NRF1: variants seen among roughly 807,000 people sequenced by gnomAD.
NRF1 encodes the protein alpha palindromic-binding protein.
A neutral mutation model predicts 58.5 loss-of-function variants in NRF1; 5 were observed. The observed-to-expected ratio is 0.09, with a 90% confidence interval of 0.04 to 0.18. The LOEUF (loss-of-function observed/expected upper bound fraction) is 0.18, where lower values mean the gene tolerates loss of function less well. Ranked by LOEUF, NRF1 falls within the 10% of genes least tolerant of loss-of-function variation. NRF1 has a pLI of 1.00. For missense variants in NRF1, 288 were observed against 657.7 expected, an observed-to-expected ratio of 0.44 and a Z score of 6.15; for synonymous variants, 224 against 246.7, an observed-to-expected ratio of 0.91 and a Z score of 0.86.
At chr7:129,642,758 T>C (rs57578473) in intron 1 of NRF1, among the ~76,000 whole-genome samples, 33,098 of 131,656 alleles carry the variant, frequency 0.25, 6,362 homozygotes, top group African/African-American at 0.5. Context: ...CTTTAAAAAA[T>C]TTTTTTTTTT....
intron 1 of NRF1, among the ~76,000 whole-genome samples, chr7:129,636,077 G>C (rs903303547): frequency 5.9e-5 from 9 of 152,108 alleles, no homozygotes; most frequent in Admixed American, 1.3e-4. Context: ...CTAAGTACAG[G>C]AGTGGTCTTT....
At chr7:129,694,345 A>G (rs1181166661) in intron 5 of NRF1, among the ~76,000 whole-genome samples, 1 of 152,088 alleles carries the variant, frequency 6.6e-6, no homozygotes, top group Non-Finnish European at 1.5e-5. Context: ...AACTTGAGCT[A>G]AATAGCTCCT....
chr7:129,643,672 T>A (rs1801343735), intron 1 of NRF1, among the ~76,000 whole-genome samples: 1 of 152,240 alleles, frequency 6.6e-6, no homozygotes, highest in African/African-American at 2.4e-5. Flanking sequence ...TCTACATATT[T>A]GAGAATGCAC....
intron 1 of NRF1, among the ~76,000 whole-genome samples, chr7:129,650,740 TA>T (rs1177533081): frequency 6.6e-6 from 1 of 151,862 alleles, no homozygotes; most frequent in African/African-American, 2.4e-5. Context: ...TTTTTTCACT[TA>T]AAAAAAATGA....
Position 129,679,308 on chromosome 7 carries a change from C to T in NRF1, c.465+1550C>T, listed in dbSNP as rs1802252070. On this transcript the variant is annotated intron_variant, in intron 4 of 10. Transcript: ENST00000393232. Reference sequence around the variant, plus strand: ...CACTCACAAATGTTAAAAGCAGCTGCAAGTAATAGAATCAAGAAAGTGAAA... The same window carrying T: ...CACTCACAAATGTTAAAAGCAGCTGTAAGTAATAGAATCAAGAAAGTGAAA... 2.0e-5 allele frequency among the ~76,000 whole-genome samples: 3 copies of T among 152,070 alleles called. No homozygotes were observed. The South Asian group carries it at 6.2e-4, about 32-fold the overall frequency.
At chr7:129,745,842 T>C (rs1803964840) in intron 10 of NRF1, among the ~76,000 whole-genome samples, 1 of 152,218 alleles carries the variant, frequency 6.6e-6, no homozygotes, top group African/African-American at 2.4e-5. Context: ...TGAGATATAT[T>C]TACTAATAAA....
chr7:129,674,314 A>G (rs1308457759), intron 3 of NRF1, among the ~76,000 whole-genome samples: 1 of 152,210 alleles, frequency 6.6e-6, no homozygotes, highest in Non-Finnish European at 1.5e-5. Context: ...AAGTATCACA[A>G]TAAGTCACAG....
chr7:129,663,340 T>G (rs972238188), intron 2 of NRF1, among the ~76,000 whole-genome samples: 93 of 130,378 alleles, frequency 7.1e-4, no homozygotes, highest in African/African-American at 2.7e-3. Flanking sequence ...CCAGACGGGG[T>G]GGCCGGGCAG....
At chr7:129,735,634 C>T (rs867649374) in intron 10 of NRF1, among the ~76,000 whole-genome samples, 1 of 152,198 alleles carries the variant, frequency 6.6e-6, no homozygotes, top group Non-Finnish European at 1.5e-5. Flanking sequence ...CTCAGGGTAG[C>T]GTGTCCCACG....
chr7:129,634,753 G>A (rs1801131614), intron 1 of NRF1, among the ~76,000 whole-genome samples: 1 of 152,198 alleles, frequency 6.6e-6, no homozygotes, highest in Non-Finnish European at 1.5e-5. Context: ...GTTTAGTTTT[G>A]TAAGAAATTG....
At chr7:129,693,358 T>C (rs1479737140) in intron 5 of NRF1, among the ~76,000 whole-genome samples, 3 of 152,152 alleles carry the variant, frequency 2.0e-5, no homozygotes, top group Admixed American at 6.5e-5. Flanking sequence ...CTTTTGATTG[T>C]TGGATTCATA....
intron 4 of NRF1, among the ~76,000 whole-genome samples, chr7:129,684,119 A>G (rs1802391006): frequency 6.6e-6 from 1 of 152,184 alleles, no homozygotes; most frequent in South Asian, 2.1e-4. Context: ...GAAGGTAGAA[A>G]GAGAATAATA....
chr7:129,631,516 C>G (rs1801049377), intron 1 of NRF1, among the ~76,000 whole-genome samples: 1 of 152,142 alleles, frequency 6.6e-6, no homozygotes, highest in Non-Finnish European at 1.5e-5. Context: ...GTTCTCCCAC[C>G]TTGGCCTCCT....
chr7:129,622,571 CTTTT>C (rs71527916), intron 1 of NRF1, among the ~76,000 whole-genome samples: 5 of 132,558 alleles, frequency 3.8e-5, no homozygotes, highest in Non-Finnish European at 6.6e-5. Context: ...CTTTTCTTTT[CTTTT>C]TTTTTTTTTT....
chr7:129,698,872 GT>G (rs1802756118), intron 5 of NRF1, among the ~76,000 whole-genome samples: 2 of 152,172 alleles, frequency 1.3e-5, no homozygotes, highest in Non-Finnish European at 2.9e-5. Context: ...TGGAAAATCA[GT>G]TCTGCTCTTT....
chr7:129,687,574 C>T (rs1272413189), intron 4 of NRF1, among the ~76,000 whole-genome samples: 1 of 152,194 alleles, frequency 6.6e-6, no homozygotes, highest in Non-Finnish European at 1.5e-5. Context: ...CCGTGCCTGG[C>T]GATGCTTCTT....
intron 10 of NRF1, among the ~76,000 whole-genome samples, chr7:129,742,873 A>T (rs903913441): frequency 6.6e-6 from 1 of 152,202 alleles, no homozygotes; most frequent in Non-Finnish European, 1.5e-5. Context: ...CACGCTGGCC[A>T]CATTTCAAGC....
chr7:129,718,570 A>G (rs879504168), intron 9 of NRF1, among the ~76,000 whole-genome samples: 1 of 152,230 alleles, frequency 6.6e-6, no homozygotes, highest in Non-Finnish European at 1.5e-5. Context: ...GACTGATTTA[A>G]GTAAAACACT....
At chr7:129,728,198 G>C (rs1392624377) in intron 10 of NRF1, among the ~76,000 whole-genome samples, 1 of 152,098 alleles carries the variant, frequency 6.6e-6, no homozygotes, top group Non-Finnish European at 1.5e-5. Flanking sequence ...AATACTCCAT[G>C]GCTTTGGGGA....
Sources: allele counts gnomAD v4.1 joint callset (sites outside exome capture counted in the v4.1 genomes callset), GRCh38; gene constraint gnomAD v4.1.1; transcripts MANE v1.5; gene names NCBI Gene and HGNC (gene_info 2026-07-23, HGNC 2026-07-21).